The following VAC14 variants were observed in gnomAD, a reference collection of about 807,000 sequenced individuals.
The protein encoded by VAC14 is VAC14 component of PIKFYVE complex.
In VAC14, 47 loss-of-function variants were observed where a neutral mutation model predicts 85.3. The ratio of observed to expected loss-of-function variants is 0.55; its 90% confidence interval spans 0.44 to 0.70. The LOEUF is 0.70. Ranked by LOEUF, VAC14 falls within the 30% of genes least tolerant of loss-of-function variation. VAC14 has a pLI of 0.00. For synonymous variants in VAC14, 447 were observed against 430.5 expected, an observed-to-expected ratio of 1.04 and a Z score of -0.47; for missense variants, 861 against 1,004.3, an observed-to-expected ratio of 0.86 and a Z score of 1.93.
At chr16:70,690,751 C>A in intron 18 of VAC14, 1 of 985,506 alleles carries the variant, frequency 1.0e-6, no homozygotes. Context: ...GTGAGCCGTC[C>A]TCTGGGCCCC....
At position 70,731,512 on chromosome 16, in the gene VAC14, T is replaced by C; in HGVS notation, c.1644A>G (p.Arg548=). Residue 548 remains arginine (R), a synonymous_variant, in exon 14 of 19, where the codon AGA becomes AGG. Transcript: ENST00000261776. ...FSSERKLLEV[R]GPFIIRQLCL... is the part of the protein sequence containing the mutation. Reference sequence around the variant, plus strand: ...AGGCTGACCTGATGATGAAAGGGCCTCTGACCTCCAGGAGCTTCCGTTCGC... The same window carrying C: ...AGGCTGACCTGATGATGAAAGGGCCCCTGACCTCCAGGAGCTTCCGTTCGC... The C allele has an allele frequency of 6.2e-7, 1 of 1,614,028 alleles. No individual in the cohort carries two copies. Among genetic ancestry groups the C allele is most frequent in the Non-Finnish European group, 8.5e-7 (1 of 1,179,922 alleles).
At chr16:70,743,280 C>T (rs1021477536) in intron 13 of VAC14, among the ~76,000 whole-genome samples, 7 of 152,200 alleles carry the variant, frequency 4.6e-5, no homozygotes, top group African/African-American at 1.7e-4. Context: ...AATCAGTACT[C>T]TGTAAAATGG....
chr16:70,767,577 G>A (rs1463884178), intron 10 of VAC14, among the ~76,000 whole-genome samples: 4 of 152,164 alleles, frequency 2.6e-5, no homozygotes, highest in African/African-American at 9.7e-5. Flanking sequence ...TACAACACCT[G>A]TTTGAGAACT....
At chr16:70,702,603 T>C (rs79795015) in intron 14 of VAC14, among the ~76,000 whole-genome samples, 7,841 of 152,218 alleles carry the variant, frequency 0.052, 198 homozygotes, top group East Asian at 0.095. Context: ...TGACCCCAGG[T>C]CACCCTAGGT....
chr16:70,770,982 G>A (rs1207374260), intron 10 of VAC14: 2 of 152,154 alleles, frequency 1.3e-5, no homozygotes, highest in Admixed American at 6.5e-5. Context: ...GAGCCTCTTG[G>A]GGTAGAGTGC....
intron 14 of VAC14, among the ~76,000 whole-genome samples, chr16:70,719,965 G>A (rs112786449): frequency 6.6e-6 from 1 of 152,194 alleles, no homozygotes; most frequent in African/African-American, 2.4e-5. Flanking sequence ...AATACTAGAA[G>A]AGATAAATAA....
chr16:70,696,764 A>C, intron 16 of VAC14: 1 of 250,698 alleles, frequency 4.0e-6, no homozygotes, highest in Non-Finnish European at 7.9e-6. Context: ...CCCAGGAGGA[A>C]CTACAATGAG....
At chr16:70,799,890 G>A (rs1437461519) in intron 1 of VAC14, among the ~76,000 whole-genome samples, 2 of 152,230 alleles carry the variant, frequency 1.3e-5, no homozygotes, top group Admixed American at 6.5e-5. Context: ...AATACGGGTA[G>A]TGTGACTGAG....
At chr16:70,695,242 G>A (rs1165194747) in intron 17 of VAC14, among the ~76,000 whole-genome samples, 1 of 151,908 alleles carries the variant, frequency 6.6e-6, no homozygotes, top group Non-Finnish European at 1.5e-5. Context: ...CTTCTGAGTA[G>A]TGGTGACTAT....
intron 1 of VAC14, among the ~76,000 whole-genome samples, chr16:70,795,882 A>G (rs1441279076): frequency 1.3e-5 from 2 of 152,200 alleles, no homozygotes; most frequent in African/African-American, 4.8e-5. Flanking sequence ...TGTCTCTCCC[A>G]GCCAGCAGTG....
intron 14 of VAC14, among the ~76,000 whole-genome samples, chr16:70,708,085 T>C (rs1361017395): frequency 6.6e-6 from 1 of 152,180 alleles, no homozygotes; most frequent in Non-Finnish European, 1.5e-5. Context: ...CCACCGCACC[T>C]GCCTTGGCCT....
chr16:70,752,616 C>T (rs1012859969), intron 12 of VAC14, among the ~76,000 whole-genome samples: 6 of 152,252 alleles, frequency 3.9e-5, no homozygotes, highest in Non-Finnish European at 7.3e-5. Flanking sequence ...CTAGGGGCCA[C>T]GGCAGCCAGG....
chr16:70,765,095 C>T (rs571085930), intron 10 of VAC14, among the ~76,000 whole-genome samples: 1 of 152,160 alleles, frequency 6.6e-6, no homozygotes, highest in Non-Finnish European at 1.5e-5. Context: ...GCCACCCCCA[C>T]CCCAACCTGG....
At chr16:70,780,576 G>T (rs1248080788) in intron 9 of VAC14, among the ~76,000 whole-genome samples, 1 of 152,218 alleles carries the variant, frequency 6.6e-6, no homozygotes, top group African/African-American at 2.4e-5. Context: ...CACTAGCTGC[G>T]AGTGTGTGGC....
At chr16:70,732,599 C>T (rs1366826084) in intron 13 of VAC14, among the ~76,000 whole-genome samples, 1 of 151,992 alleles carries the variant, frequency 6.6e-6, no homozygotes, top group Non-Finnish European at 1.5e-5. Flanking sequence ...AAGGAGTTAC[C>T]AAGGGATGGA....
chr16:70,718,504 G>A (rs1369933866), intron 14 of VAC14, among the ~76,000 whole-genome samples: 1 of 151,778 alleles, frequency 6.6e-6, no homozygotes, highest in Non-Finnish European at 1.5e-5. Context: ...AACCCAGGAG[G>A]CAGAGCTTGC....
intron 12 of VAC14, among the ~76,000 whole-genome samples, chr16:70,746,099 C>T (rs1284090475): frequency 6.6e-6 from 1 of 152,210 alleles, no homozygotes; most frequent in East Asian, 1.9e-4. Flanking sequence ...CCTCAAAAGC[C>T]ATTCCTGTCA....
At position 70,736,265 on chromosome 16, in the gene VAC14, T is replaced by C. The variant is rs190902309; in HGVS notation, c.1529-4638A>G. ...CATGTAATGTGCCGGGTCCGGAGCC[T>C]GCCGCACAGTCTGCACTCAGTACAC... On this transcript the variant is annotated intron_variant, in intron 13 of 18. Coordinates refer to ENST00000261776, the MANE Select transcript of VAC14 (RefSeq NM_018052.5). Among the ~76,000 whole-genome samples the C allele has an allele frequency of 3.2e-3, 484 of 152,360 alleles. 2 individuals are homozygous for C. The highest frequency in any genetic ancestry group is 0.011 in the African/African-American group (449 of 41,584).
At chr16:70,696,741 C>A (rs1407276734) in intron 16 of VAC14, 1 of 228,414 alleles carries the variant, frequency 4.4e-6, no homozygotes. Context: ...TTCTCCCCCA[C>A]CCCCACACCA....
Sources: allele counts gnomAD v4.1 joint callset (sites outside exome capture counted in the v4.1 genomes callset), GRCh38; gene constraint gnomAD v4.1.1; transcripts MANE v1.5; gene names NCBI Gene and HGNC (gene_info 2026-07-23, HGNC 2026-07-21).